The following SGCZ variants were observed in gnomAD, a reference collection of about 807,000 sequenced individuals.
SGCZ encodes zeta-sarcoglycan.
SGCZ carries 40 observed loss-of-function variants against 41.3 expected under a neutral mutation model. That is an observed-to-expected ratio of 0.97 (90% CI 0.75 to 1.26). The LOEUF (loss-of-function observed/expected upper bound fraction) is 1.26, where lower values mean the gene tolerates loss of function less well. SGCZ is among the 50% of genes most tolerant of loss of function. SGCZ has a pLI of 0.00. For missense variants in SGCZ, 552 were observed against 369.8 expected (o/e 1.49, Z -4.04); for synonymous variants, 206 against 137.5 (o/e 1.50, Z -3.49).
intron 3 of SGCZ, among the ~76,000 whole-genome samples, chr8:14,295,174 C>A (rs576728592): frequency 9.9e-5 from 15 of 151,972 alleles, no homozygotes; most frequent in Admixed American, 6.6e-4. Flanking sequence ...CCAAAAGATG[C>A]GAAAAGAAAT....
At chr8:14,534,725 T>A (rs890797131) in intron 2 of SGCZ, among the ~76,000 whole-genome samples, 5 of 151,984 alleles carry the variant, frequency 3.3e-5, no homozygotes, top group African/African-American at 1.2e-4. Context: ...TCAAACCAAG[T>A]ATAAACTCAT....
intron 1 of SGCZ, among the ~76,000 whole-genome samples, chr8:14,779,476 G>A (rs1320542835): frequency 6.6e-6 from 1 of 152,144 alleles, no homozygotes; most frequent in Non-Finnish European, 1.5e-5. Flanking sequence ...AACCTCATGA[G>A]AGACCCTGAG....
intron 3 of SGCZ, among the ~76,000 whole-genome samples, chr8:14,271,394 A>T (rs10089918): frequency 0.033 from 5,081 of 152,230 alleles, 270 homozygotes; most frequent in African/African-American, 0.11. Context: ...TTAATATATA[A>T]TAGTAGAGTT....
chr8:14,693,409 AG>A (rs1005529752), intron 1 of SGCZ, among the ~76,000 whole-genome samples: 7 of 150,662 alleles, frequency 4.6e-5, no homozygotes, highest in African/African-American at 1.7e-4. Context: ...CTCCTGCCTT[AG>A]CCTCCTGAGT....
At chr8:14,529,623 A>G (rs1803063587) in intron 2 of SGCZ, among the ~76,000 whole-genome samples, 1 of 152,166 alleles carries the variant, frequency 6.6e-6, no homozygotes, top group Admixed American at 6.6e-5. Context: ...TAATGTACCC[A>G]TATTACAAAA....
At chr8:15,119,129 C>T (rs781666519) in intron 1 of SGCZ, among the ~76,000 whole-genome samples, 2 of 152,036 alleles carry the variant, frequency 1.3e-5, no homozygotes, top group Non-Finnish European at 2.9e-5. Flanking sequence ...GTGTAATGAG[C>T]CATTTGTTAG....
chr8:14,922,811 G>C (rs373472992), intron 1 of SGCZ, among the ~76,000 whole-genome samples: 4 of 152,108 alleles, frequency 2.6e-5, no homozygotes, highest in Admixed American at 2.0e-4. Flanking sequence ...CAAAACAAAT[G>C]TTACCATAAA....
chr8:14,567,943 G>A (rs563916956), intron 1 of SGCZ, among the ~76,000 whole-genome samples: 4 of 152,282 alleles, frequency 2.6e-5, no homozygotes, highest in African/African-American at 9.6e-5. Context: ...TGGACATGCC[G>A]CTTTTAAGAA....
chr8:14,114,568 T>A (rs1395436784), intron 5 of SGCZ, among the ~76,000 whole-genome samples: 2 of 151,998 alleles, frequency 1.3e-5, no homozygotes, highest in Non-Finnish European at 2.9e-5. Flanking sequence ...TTTGAAAGCC[T>A]TTACTCTTGG....
chr8:14,086,335 C>G lies in SGCZ; in HGVS notation c.*4108G>C, dbSNP rs1801521719. On this transcript the variant is annotated 3_prime_UTR_variant, in exon 8 of 8. Transcript: ENST00000382080. ...AACACTCATATGCATTAGACGCTCT[C>G]CAGGCTATTGCTGCCTCATACAGAG... is the stretch of plus-strand genomic sequence containing the variant. Among the ~76,000 whole-genome samples, 1 of 151,644 alleles carries G rather than the reference C, an allele frequency of 6.6e-6. No individual in the cohort carries two copies. The highest frequency in any genetic ancestry group is 1.5e-5 in the Non-Finnish European group (1 of 67,738).
At chr8:15,053,280 A>C (rs1804583431) in intron 1 of SGCZ, among the ~76,000 whole-genome samples, 1 of 150,072 alleles carries the variant, frequency 6.7e-6, no homozygotes, top group Admixed American at 6.6e-5. Flanking sequence ...GTGAATTTTC[A>C]CAGTTTTTCT....
chr8:14,647,495 A>G (rs1055461396), intron 1 of SGCZ, among the ~76,000 whole-genome samples: 1 of 152,024 alleles, frequency 6.6e-6, no homozygotes, highest in African/African-American at 2.4e-5. Context: ...TATATAAAAT[A>G]AAACATATCT....
intron 1 of SGCZ, among the ~76,000 whole-genome samples, chr8:15,087,703 C>G (rs1379759556): frequency 6.6e-6 from 1 of 152,032 alleles, no homozygotes; most frequent in East Asian, 1.9e-4. Flanking sequence ...ATGTAAGTCT[C>G]CTTTTTATGT....
At chr8:15,213,258 C>T (rs1186633780) in intron 1 of SGCZ, among the ~76,000 whole-genome samples, 3 of 151,790 alleles carry the variant, frequency 2.0e-5, no homozygotes, top group African/African-American at 4.8e-5. Context: ...AATCCTACCC[C>T]TCAAATTATT....
At chr8:14,585,518 T>C (rs1021746943) in intron 1 of SGCZ, among the ~76,000 whole-genome samples, 6 of 152,140 alleles carry the variant, frequency 3.9e-5, no homozygotes. Context: ...GTTGCAATAT[T>C]CCTAATTGTT....
intron 1 of SGCZ, among the ~76,000 whole-genome samples, chr8:14,672,200 C>A (rs1036477311): frequency 1.3e-5 from 2 of 152,098 alleles, no homozygotes; most frequent in Non-Finnish European, 2.9e-5. Context: ...TGGCAGTTAA[C>A]TATGACCACA....
At chr8:15,135,759 C>T (rs997322814) in intron 1 of SGCZ, among the ~76,000 whole-genome samples, 1 of 151,962 alleles carries the variant, frequency 6.6e-6, no homozygotes. Context: ...TGGCCTATCC[C>T]AGGAAATAAT....
At chr8:14,684,692 C>G (rs57047069) in intron 1 of SGCZ, among the ~76,000 whole-genome samples, 353 of 1,922 alleles carry the variant, frequency 0.18, 2 homozygotes, top group South Asian at 0.17. Context: ...TTTGTTTTTC[C>G]TTTTTTTGTT....
At chr8:14,865,339 G>A (rs144056527) in intron 1 of SGCZ, among the ~76,000 whole-genome samples, 1 of 151,934 alleles carries the variant, frequency 6.6e-6, no homozygotes, top group East Asian at 1.9e-4. Context: ...TTTTTCCACT[G>A]CATTTCTTCT....
Sources: allele counts gnomAD v4.1 joint callset (sites outside exome capture counted in the v4.1 genomes callset), GRCh38; gene constraint gnomAD v4.1.1; transcripts MANE v1.5; gene names NCBI Gene and HGNC (gene_info 2026-07-23, HGNC 2026-07-21).